The following DUOX1 variants were observed in gnomAD, a reference collection of about 807,000 sequenced individuals.
DUOX1 encodes NADPH thyroid oxidase 1.
A neutral mutation model predicts 181.8 loss-of-function variants in DUOX1; 134 were observed. The observed-to-expected ratio is 0.74, with a 90% CI of 0.64 to 0.85. DUOX1 has a LOEUF of 0.85. Among genes scored for constraint, DUOX1 ranks in the 40% least tolerant of loss-of-function variants. The pLI is 0.00. For missense variants in DUOX1, 1,814 were observed against 2,064.4 expected, an observed-to-expected ratio of 0.88 and a Z score of 2.35; for synonymous variants, 798 against 832.5, an observed-to-expected ratio of 0.96 and a Z score of 0.71.
At chr15:45,150,405 C>G in intron 21 of DUOX1, 5 of 557,044 alleles carry the variant, frequency 9.0e-6, no homozygotes, top group Middle Eastern at 4.8e-4. Context: ...TTTAGGGAAG[C>G]CTGCCTGGCC....
At chr15:45,141,919 CT>C in intron 14 of DUOX1, 55 bp from the exon 15 acceptor site, 1 of 1,565,148 alleles carries the variant, frequency 6.4e-7, no homozygotes, top group South Asian at 1.2e-5. Flanking sequence ...CTCCGTGATC[CT>C]GTGCCAGCAC....
chr15:45,145,120 G>A, intron 18 of DUOX1, 40 bp downstream of exon 18: 3 of 1,529,348 alleles, frequency 2.0e-6, no homozygotes, highest in Non-Finnish European at 2.6e-6. Flanking sequence ...TGCTGTGGTG[G>A]TGTCCTTACC....
Position 45,155,892 on chromosome 15 carries a change from GGC to G in DUOX1, c.3666_3667del (p.Trp1222CysfsTer18). 1.4e-5 allele frequency: 23 copies of G among 1,614,132 alleles called. No individual in the cohort carries two copies. Among genetic ancestry groups the G allele is most frequent in the Non-Finnish European group, 1.9e-5 (22 of 1,180,028 alleles). On this transcript the variant is annotated frameshift_variant, in exon 28 of 34. Transcript: ENST00000389037. LOFTEE classifies it high-confidence loss of function. ...CGCCGCCGCAGTTTCCGGGGCTTCT[GGC>G]TGACCCACCACCTCTACATCCTGCT...
intron 25 of DUOX1, chr15:45,152,944 G>A (rs1896853824): frequency 3.2e-6 from 1 of 316,044 alleles, no homozygotes; most frequent in Non-Finnish European, 6.0e-6. Flanking sequence ...AGTCCAGGCC[G>A]GCGCGGCGGC....
chr15:45,154,078 A>G (rs1212264599), intron 27 of DUOX1, 78 bp downstream of exon 27: 22 of 1,361,450 alleles, frequency 1.6e-5, no homozygotes, highest in Non-Finnish European at 2.1e-5. Context: ...ACCCCAGAGC[A>G]ACCCACGTTC....
chr15:45,137,863 T>G, intron 9 of DUOX1, 61 bp from the exon 10 acceptor site: 1 of 1,382,710 alleles, frequency 7.2e-7, no homozygotes, highest in Non-Finnish European at 9.9e-7. Flanking sequence ...AGACCAGAAC[T>G]GATGCCTGAC....
At chr15:45,135,745 G>T (rs201018426) in intron 6 of DUOX1, 37 bp from the exon 7 acceptor site, 194,456 of 1,425,908 alleles carry the variant, frequency 0.14, 12,683 homozygotes, top group East Asian at 0.25. Flanking sequence ...TCACGCTACC[G>T]CTCGTCTCCT....
Position 45,136,641 on chromosome 15 carries a change from A to G in DUOX1, c.1022+16A>G, listed in dbSNP as rs778403380. 1 of 1,613,248 alleles carries G rather than the reference A, an allele frequency of 6.2e-7. No individual in the cohort carries two copies. Among genetic ancestry groups the G allele is most frequent in the South Asian group, 1.1e-5 (1 of 91,058 alleles). On this transcript the variant is annotated intron_variant, in intron 9 of 33. Coordinates refer to ENST00000389037, the MANE Select transcript of DUOX1 (RefSeq NM_175940.3). ...TCTACATGAGGTGAGGGAGGGGCTC[A>G]AAGGTGTGTGTGCTGGGAGGGATGG...
At chr15:45,147,870 G>T in intron 19 of DUOX1, 34 bp from the exon 20 acceptor site, 1 of 1,586,792 alleles carries the variant, frequency 6.3e-7, no homozygotes, top group East Asian at 2.2e-5. Flanking sequence ...GCAGGCAGGC[G>T]GGGGCTCTCC....
chr15:45,142,767 A>AGAAGGAAGGAAG (rs57036192), intron 15 of DUOX1, among the ~76,000 whole-genome samples: 1 of 115,160 alleles, frequency 8.7e-6, no homozygotes, highest in African/African-American at 3.1e-5. Flanking sequence ...AAGGAAGGAA[A>AGAAGGAAGGAAG]GAAGGAAGGA....
chr15:45,133,727 C>T, intron 2 of DUOX1, 137 bp from the exon 3 acceptor site: 1 of 730,784 alleles, frequency 1.4e-6, no homozygotes, highest in South Asian at 1.7e-5. Flanking sequence ...CCTCTGCACC[C>T]TACCTCTCAC....
In DUOX1 at chr15:45,138,018, C is replaced by T. The variant is rs367646873; in HGVS notation, c.1113+4C>T. On this transcript the variant is annotated splice_donor_region_variant and intron_variant, in intron 10 of 33. Transcript: ENST00000389037. ...CAACAGCTACTGGAGCCGTGAGGTC[C>T]GAGCTGGGGGCCACATATGTGGTGG... The T allele has an allele frequency of 2.1e-5, 33 of 1,600,790 alleles. No homozygotes were observed. Among genetic ancestry groups the T allele is most frequent in the South Asian group, 1.2e-4 (11 of 89,342 alleles).
rs1469360377 is a variant in DUOX1, at chr15:45,143,947, G to T, written c.1937-89G>T. The T allele has an allele frequency of 3.8e-6, 5 of 1,319,050 alleles. No homozygotes were observed. The African/African-American group carries it at 7.2e-5, about 19-fold the overall frequency. 81.7% of individuals were successfully genotyped at this position (1,319,050 alleles called of 1,614,324 possible). On this transcript the variant is annotated intron_variant, in intron 16 of 33. Coordinates refer to ENST00000389037, the MANE Select transcript of DUOX1 (RefSeq NM_175940.3). ...GGGGACAATGAACTGTGGAGGCCTTGATCTAATTTCAGCCCTGAGCTGGCC... is the reference window on the plus strand; with the variant it reads ...GGGGACAATGAACTGTGGAGGCCTTTATCTAATTTCAGCCCTGAGCTGGCC...
rs1302790189 is a variant in DUOX1 at position 45,135,524 on chromosome 15, G to A, written c.546G>A (p.Ser182=). The stretch of plus-strand genomic sequence containing the variant: ...ACGGCAGCGCCATCTATGGTTCCTC[G>A]CATTCCTGGAGCGACGCGCTGCGGA... ...WLDGSAIYGS[S]HSWSDALRSF... is the part of the protein sequence containing the mutation. Residue 182 remains serine, a synonymous_variant, in exon 6 of 34, where the codon TCG becomes TCA. Coordinates refer to ENST00000389037, the MANE Select transcript of DUOX1 (RefSeq NM_175940.3). The A allele has an allele frequency of 9.6e-6, 15 of 1,559,966 alleles. No homozygotes were observed. The highest frequency in any genetic ancestry group is 3.5e-5 in the South Asian group (3 of 84,836).
rs1359548173 is a variant in DUOX1 at position 45,164,880 on chromosome 15, C to G, written c.4635C>G (p.Ser1545=). 6.2e-7 allele frequency: 1 copy of G among 1,614,174 alleles called. No homozygotes were observed. ...ACAGGCAGGACCGGACTCACTTCTC[C>G]CACCATTATGAGAACTTCTAGGCCC... ...LINRQDRTHF[S]HHYENF The change falls in exon 34 of 34, where the codon TCC becomes TCG. Residue 1545 remains serine (S), a synonymous_variant. Transcript: ENST00000389037.
At position 45,145,068 on chromosome 15, in the gene DUOX1, C is replaced by A. The variant is rs564401981; in HGVS notation, c.2310C>A (p.His770Gln). 6.2e-7 allele frequency: 1 copy of A among 1,604,592 alleles called. No individual in the cohort carries two copies. The highest frequency in any genetic ancestry group is 1.7e-5 in the Admixed American group (1 of 58,558). Residue 770 changes from histidine (H) to glutamine (Q), a missense_variant, in exon 18 of 34, where the codon CAC (histidine) becomes CAA (glutamine). Around this residue, in one of 5 missense-constraint regions of DUOX1, gnomAD observed 1,064 missense variants for 1,152.9 expected, o/e 0.92. Coordinates refer to ENST00000389037, the MANE Select transcript of DUOX1 (RefSeq NM_175940.3). Reference sequence around the variant, plus strand: ...ACCTCCTGGAGACCTTTTTCAGGCACCTTTTCTCCCAGGTGTGTACATGGG... The same window carrying A: ...ACCTCCTGGAGACCTTTTTCAGGCAACTTTTCTCCCAGGTGTGTACATGGG... Reference protein sequence around the residue: ...RRHLLETFFRHLFSQVLDINQ... With the variant: ...RRHLLETFFRQLFSQVLDINQ...
chr15:45,163,414 C>G (rs1437783871), intron 31 of DUOX1, 118 bp from the exon 32 acceptor site: 2 of 1,434,530 alleles, frequency 1.4e-6, no homozygotes, highest in East Asian at 2.4e-5. Context: ...TCTCCCCAGG[C>G]TGTCTAGGGA....
chr15:45,141,391 T>C lies in DUOX1; in HGVS notation c.1665T>C (p.Asn555=). The part of the protein sequence containing the change: ...INIDPSALQP[N]VFVWHKGDPC... Reference sequence around the variant, plus strand: ...TTGACCCCAGTGCTCTGCAGCCCAATGTCTTTGTCTGGCATAAAGGTGAGT... The same window carrying C: ...TTGACCCCAGTGCTCTGCAGCCCAACGTCTTTGTCTGGCATAAAGGTGAGT... The change falls in exon 14 of 34, where the codon AAT becomes AAC. Residue 555 remains asparagine, a synonymous_variant. Transcript: ENST00000389037. 6.2e-7 allele frequency: 1 copy of C among 1,614,180 alleles called. No homozygotes were observed. Among genetic ancestry groups the C allele is most frequent in the South Asian group, 1.1e-5 (1 of 91,082 alleles).
At chr15:45,139,700 C>A in intron 12 of DUOX1, 101 bp downstream of exon 12, 2 of 1,301,902 alleles carry the variant, frequency 1.5e-6, no homozygotes, top group African/African-American at 1.5e-5. Context: ...AAGAGACAAG[C>A]ACCTAATGGG....
Sources: gnomAD v4.1 joint callset for allele counts (sites outside exome capture counted in the v4.1 genomes callset) on GRCh38, gnomAD v4.1.1 for gene constraint, gnomAD v4.1.1 regional missense constraint, MANE v1.5 for transcripts, NCBI Gene and HGNC (gene_info 2026-07-23, HGNC 2026-07-21) for gene names.